NELL2: variants seen among roughly 807,000 people sequenced by gnomAD.
NELL2 encodes the protein neural EGFL like 2.
In NELL2, 41 loss-of-function variants were observed where a neutral mutation model predicts 109.6. The ratio of observed to expected loss-of-function variants is 0.37; its 90% CI spans 0.29 to 0.49. The LOEUF is 0.49. Ranked by LOEUF, NELL2 falls within the 20% of genes least tolerant of loss-of-function variation. The probability of loss-of-function intolerance (pLI) is 0.98; values close to 1 mark genes in which losing one functional copy is unlikely to be tolerated. For synonymous variants in NELL2, 355 were observed against 344.7 expected (o/e 1.03, Z -0.33); for missense variants, 900 against 1,008.3 (o/e 0.89, Z 1.45).
chr12:44,895,508 A>C (rs1945582781), intron 1 of NELL2, among the ~76,000 whole-genome samples: 1 of 152,202 alleles, frequency 6.6e-6, no homozygotes, highest in Non-Finnish European at 1.5e-5. Flanking sequence ...TTTGGTTTAA[A>C]TGCCATTACA....
Position 44,749,221 on chromosome 12 carries a change from C to T in NELL2, c.994+25526G>A, listed in dbSNP as rs548606366. ...GGCAAACTGCCAAAGAAATTTCCCT[C>T]GGGAAGTCAGTACAGCAGGAACTAC... On this transcript the variant is annotated intron_variant, in intron 9 of 19. Transcript: ENST00000429094. 2.3e-4 allele frequency among the ~76,000 whole-genome samples: 35 copies of T among 152,176 alleles called. No individual in the cohort carries two copies. The South Asian group carries it at 6.2e-3, about 27-fold the overall frequency.
At chr12:44,677,260 A>G (rs1349704249) in intron 12 of NELL2, among the ~76,000 whole-genome samples, 1 of 152,182 alleles carries the variant, frequency 6.6e-6, no homozygotes, top group Non-Finnish European at 1.5e-5. Context: ...GGTCTTACAC[A>G]CTATATGAGA....
intron 9 of NELL2, among the ~76,000 whole-genome samples, chr12:44,743,753 G>T (rs375318541): frequency 2.0e-5 from 3 of 152,092 alleles, no homozygotes; most frequent in Non-Finnish European, 4.4e-5. Context: ...GAGCTAACCA[G>T]CCTAAATATA....
chr12:44,856,496 T>C (rs1944687266), intron 2 of NELL2, among the ~76,000 whole-genome samples: 1 of 152,164 alleles, frequency 6.6e-6, no homozygotes, highest in South Asian at 2.1e-4. Flanking sequence ...CTGTGATCAT[T>C]AGAGGCCTCA....
intron 9 of NELL2, among the ~76,000 whole-genome samples, chr12:44,764,706 C>G (rs1009392580): frequency 6.6e-6 from 1 of 152,178 alleles, no homozygotes; most frequent in African/African-American, 2.4e-5. Flanking sequence ...AGTAACCTCC[C>G]TAAGCTTCAC....
intron 1 of NELL2, among the ~76,000 whole-genome samples, chr12:44,882,506 G>A (rs562087822): frequency 2.8e-4 from 42 of 149,572 alleles, no homozygotes; most frequent in South Asian, 8.5e-4. Flanking sequence ...ACACACACAC[G>A]CACACACACG....
chr12:44,890,717 A>ATTTTTTTTTTTTT, intron 1 of NELL2, among the ~76,000 whole-genome samples: 1 of 150,450 alleles, frequency 6.6e-6, no homozygotes, highest in African/African-American at 2.4e-5. Flanking sequence ...TATTTTCTTT[A>ATTTTTTTTTTTTT]TTTTTTTATT....
At chr12:44,519,938 C>T (rs1941452870) in intron 19 of NELL2, 67 bp downstream of exon 19, 1 of 1,366,318 alleles carries the variant, frequency 7.3e-7, no homozygotes, top group African/African-American at 1.4e-5. Context: ...AGGTAGAGCA[C>T]ATTATTATCT....
chr12:44,821,819 C>A (rs1943552872), intron 2 of NELL2, among the ~76,000 whole-genome samples: 1 of 151,926 alleles, frequency 6.6e-6, no homozygotes, highest in South Asian at 2.1e-4. Flanking sequence ...CCAGGTTCAA[C>A]TGATTCTCGT....
intron 13 of NELL2, among the ~76,000 whole-genome samples, chr12:44,635,832 T>C (rs1036304535): frequency 6.6e-6 from 1 of 152,210 alleles, no homozygotes; most frequent in African/African-American, 2.4e-5. Context: ...AAGTCAATTG[T>C]AGCTTGATGG....
chr12:44,826,773 A>C (rs1474904817), intron 2 of NELL2, among the ~76,000 whole-genome samples: 1 of 152,200 alleles, frequency 6.6e-6, no homozygotes, highest in Non-Finnish European at 1.5e-5. Flanking sequence ...CACCAAATTC[A>C]AGTGGCAGAG....
intron 12 of NELL2, among the ~76,000 whole-genome samples, chr12:44,681,377 A>G (rs1948496443): frequency 6.7e-6 from 1 of 149,632 alleles, no homozygotes; most frequent in Non-Finnish European, 1.5e-5. Flanking sequence ...TTGTTGGCAT[A>G]ACCCTTTTTT....
In NELL2 at chr12:44,520,586, T is replaced by C. The variant is rs78922876; in HGVS notation, c.2176-357A>G. On this transcript the variant is annotated intron_variant, in intron 18 of 19. Coordinates refer to ENST00000429094, the MANE Select transcript of NELL2 (RefSeq NM_001145108.2). ...ACGTTTTTGCCCATGTGATATCTTT[T>C]TCATTCTTTTGCTATTTTTTCTAAC... 1.5e-3 allele frequency among the ~76,000 whole-genome samples: 236 copies of C among 152,358 alleles called. 1 individual carries two copies. The East Asian group carries it at 0.023, about 15-fold the overall frequency.
intron 12 of NELL2, among the ~76,000 whole-genome samples, chr12:44,671,981 C>G (rs1200415442): frequency 6.6e-6 from 1 of 152,078 alleles, no homozygotes; most frequent in East Asian, 1.9e-4. Flanking sequence ...GTGAAAACAC[C>G]CTGGTTATCA....
intron 13 of NELL2, 87 bp downstream of exon 13, chr12:44,665,397 C>T: frequency 2.6e-6 from 3 of 1,157,944 alleles, no homozygotes; most frequent in East Asian, 2.6e-5. Flanking sequence ...TTATGGTATA[C>T]TTATCAAAAA....
At chr12:44,674,942 A>G (rs188850695) in intron 12 of NELL2, among the ~76,000 whole-genome samples, 6 of 152,268 alleles carry the variant, frequency 3.9e-5, no homozygotes, top group Non-Finnish European at 4.4e-5. Context: ...GAGGGTAGAG[A>G]GCTTGTCCAC....
chr12:44,703,216 T>A (rs1429251944), intron 12 of NELL2, among the ~76,000 whole-genome samples: 1 of 152,208 alleles, frequency 6.6e-6, no homozygotes. Flanking sequence ...TGGATATTAG[T>A]TAAGATTTTT....
chr12:44,747,190 A>T (rs183061200), intron 9 of NELL2, among the ~76,000 whole-genome samples: 108 of 152,296 alleles, frequency 7.1e-4, no homozygotes, highest in Non-Finnish European at 1.1e-3. Context: ...TCAGCGAACT[A>T]TCGCAAGGAC....
chr12:44,851,542 C>T (rs1489769487), intron 2 of NELL2: 1 of 152,154 alleles, frequency 6.6e-6, no homozygotes, highest in Non-Finnish European at 1.5e-5. Context: ...TAGCATCTTG[C>T]TTATGACTTT....
Sources: allele counts gnomAD v4.1 joint callset (sites outside exome capture counted in the v4.1 genomes callset), GRCh38; gene constraint gnomAD v4.1.1; transcripts MANE v1.5; gene names NCBI Gene and HGNC (gene_info 2026-07-23, HGNC 2026-07-21).